Variants in BLTP2 observed in about 807,000 individuals in gnomAD.
The protein encoded by BLTP2 is bridge-like lipid transfer protein family member 2.
chr17:28,641,517 G>A, the BLTP2 span, among the ~76,000 whole-genome samples: 3 of 152,230 alleles, frequency 2.0e-5, no homozygotes, highest in South Asian at 2.1e-4. Context: ...GCGGATGACT[G>A]TAATCCCAGC....
chr17:28,620,588 A>G, the BLTP2 span: 1 of 1,614,182 alleles, frequency 6.2e-7, no homozygotes, highest in African/African-American at 1.3e-5. Context: ...GTTGGTGGAA[A>G]TTTCCAGCTC....
At chr17:28,643,801 T>G in the BLTP2 span, 23 of 913,406 alleles carry the variant, frequency 2.5e-5, no homozygotes, top group Non-Finnish European at 3.6e-5. Flanking sequence ...ATTAGAACAG[T>G]AAAATCTTCG....
At chr17:28,628,254 C>T in the BLTP2 span, 2 of 1,612,368 alleles carry the variant, frequency 1.2e-6, no homozygotes, top group African/African-American at 2.7e-5. Context: ...GTCTCATCTC[C>T]CCGAGCTTAC....
At chr17:28,637,113 G>T in the BLTP2 span, 1 of 1,614,186 alleles carries the variant, frequency 6.2e-7, no homozygotes, top group Admixed American at 1.7e-5. Context: ...AATCCCCACA[G>T]TGGACGTCTC....
chr17:28,635,980 A>C, the BLTP2 span: 1 of 181,246 alleles, frequency 5.5e-6, no homozygotes. Context: ...CCTTTCTATC[A>C]GCAACTACAC....
At chr17:28,621,817 T>C in the BLTP2 span, among the ~76,000 whole-genome samples, 2 of 152,198 alleles carry the variant, frequency 1.3e-5, no homozygotes, top group South Asian at 4.1e-4. Context: ...AAAATGACTT[T>C]CTCACACATT....
the BLTP2 span, among the ~76,000 whole-genome samples, chr17:28,620,275 T>C: frequency 2.6e-5 from 4 of 152,074 alleles, no homozygotes; most frequent in African/African-American, 9.7e-5. Flanking sequence ...GGTGACTGAG[T>C]AGAGAAATGA....
chr17:28,617,154 A>AT, the BLTP2 span: 12 of 1,333,100 alleles, frequency 9.0e-6, no homozygotes, highest in Non-Finnish European at 1.3e-5. Context: ...TCCATAGTGG[A>AT]TTTATACTGA....
the BLTP2 span, chr17:28,635,319 A>G: frequency 6.2e-7 from 1 of 1,613,930 alleles, no homozygotes; most frequent in Non-Finnish European, 8.5e-7. Flanking sequence ...TCAGTGACAC[A>G]CTCTCTGCAG....
the BLTP2 span, chr17:28,619,050 A>C: frequency 5.2e-6 from 6 of 1,159,582 alleles, no homozygotes; most frequent in South Asian, 8.4e-5. Context: ...CTCTAGAATG[A>C]TGCAGGAGGT....
the BLTP2 span, chr17:28,619,635 G>C: frequency 3.1e-6 from 5 of 1,612,980 alleles, no homozygotes; most frequent in Non-Finnish European, 4.2e-6. Flanking sequence ...AAAAGGGCAA[G>C]GAAAGAATGC....
At chr17:28,617,663 C>A in the BLTP2 span, among the ~76,000 whole-genome samples, 1 of 152,338 alleles carries the variant, frequency 6.6e-6, no homozygotes, top group African/African-American at 2.4e-5. Flanking sequence ...CTATTCCAAG[C>A]TAGACATGAA....
At chr17:28,642,058 C>T in the BLTP2 span, 2 of 1,614,050 alleles carry the variant, frequency 1.2e-6, no homozygotes, top group Non-Finnish European at 1.7e-6. Flanking sequence ...CCAGTGAAAG[C>T]TCCACTAGGC....
At chr17:28,615,819 G>GA in the BLTP2 span, 2 of 1,599,338 alleles carry the variant, frequency 1.3e-6, no homozygotes, top group Non-Finnish European at 1.7e-6. Flanking sequence ...AGGGGGAGGG[G>GA]AAAGAAAAAA....
the BLTP2 span, chr17:28,637,873 G>C: frequency 5.6e-6 from 9 of 1,613,948 alleles, no homozygotes; most frequent in South Asian, 1.1e-5. Flanking sequence ...TCATGTCTTC[G>C]ACCTTCAAGT....
chr17:28,635,599 C>T, the BLTP2 span: 1 of 1,610,084 alleles, frequency 6.2e-7, no homozygotes, highest in Non-Finnish European at 8.5e-7. Flanking sequence ...CAGCCCTGCA[C>T]CACACTGAAC....
At chr17:28,634,083 CGA>C in the BLTP2 span, 1 of 1,613,882 alleles carries the variant, frequency 6.2e-7, no homozygotes. Context: ...GTCCCTGATC[CGA>C]ACTGTTACCA....
the BLTP2 span, among the ~76,000 whole-genome samples, chr17:28,623,236 G>C: frequency 6.6e-6 from 1 of 152,148 alleles, no homozygotes. Flanking sequence ...TCTTGTGAGG[G>C]TGAAGTATCA....
At chr17:28,624,116 T>TG in the BLTP2 span, 13 of 1,398,554 alleles carry the variant, frequency 9.3e-6, no homozygotes, top group Non-Finnish European at 1.3e-5. Context: ...ATGATACCTA[T>TG]GAGAAGGCCA....
Sources: allele counts gnomAD v4.1 joint callset (sites outside exome capture counted in the v4.1 genomes callset), GRCh38; gene constraint gnomAD v4.1.1; transcripts MANE v1.5; gene names NCBI Gene and HGNC (gene_info 2026-07-23, HGNC 2026-07-21).